The following PDP2 variants were observed in gnomAD, a reference collection of about 807,000 sequenced individuals.
PDP2 encodes the protein pyruvate dehydrogenase phosphatase catalytic subunit 2.
PDP2 carries 23 observed loss-of-function variants against 34.2 expected under a neutral mutation model. The observed-to-expected ratio is 0.67, with a 90% CI of 0.48 to 0.95. The LOEUF is 0.95. Ranked by LOEUF, PDP2 falls within the 40% of genes least tolerant of loss-of-function variation. PDP2 has a pLI of 0.00. For missense variants in PDP2, 571 were observed against 659.6 expected, an observed-to-expected ratio of 0.87 and a Z score of 1.47; for synonymous variants, 275 against 269.2, an observed-to-expected ratio of 1.02 and a Z score of -0.21.
chr16:66,890,659 G>C lies in PDP2; in HGVS notation c.*4785G>C, dbSNP rs1311046030. 1 of 152,178 alleles carries C rather than the reference G, an allele frequency of 6.6e-6. No homozygotes were observed. Among genetic ancestry groups the C allele is most frequent in the Non-Finnish European group, 1.5e-5 (1 of 68,044 alleles). 9.4% of individuals were successfully genotyped at this position (152,178 alleles called of 1,614,324 possible). A position where few individuals can be genotyped will look rare whatever the true frequency, so the allele number is the denominator to read the frequency against. ...CCCTAGTAGCCTATCTTCAGCCTTT[G>C]GGAAGTCTTAACTTCCCAGGTTAAA... On this transcript the variant is annotated 3_prime_UTR_variant, in exon 2 of 2. Coordinates refer to ENST00000311765, the MANE Select transcript of PDP2 (RefSeq NM_020786.4).
In PDP2 at chr16:66,888,944, TG is replaced by T. The variant is rs1961894820; in HGVS notation, c.*3071del. On this transcript the variant is annotated 3_prime_UTR_variant, in exon 2 of 2. Coordinates refer to ENST00000311765, the MANE Select transcript of PDP2 (RefSeq NM_020786.4). The stretch of plus-strand genomic sequence containing the variant: ...AAAGAAGAAAGGCTTATTTATCATT[TG>T]CTTTTTTTCCACTGTGAATCATCTG... 6.6e-6 allele frequency: 1 copy of T among 152,248 alleles called. No homozygotes were observed. Among genetic ancestry groups the T allele is most frequent in the Non-Finnish European group, 1.5e-5 (1 of 68,040 alleles). The allele number at this position is 152,248 out of a possible 1,614,324, so 9.4% of individuals were successfully genotyped here. A position where few individuals can be genotyped will look rare whatever the true frequency, so the allele number is the denominator to read the frequency against.
chr16:66,885,973 G>A lies in PDP2; in HGVS notation c.*99G>A, dbSNP rs1961751807. On this transcript the variant is annotated 3_prime_UTR_variant, in exon 2 of 2. Coordinates refer to ENST00000311765, the MANE Select transcript of PDP2 (RefSeq NM_020786.4). The surrounding 1 kb of genome is among the most constrained non-coding windows in gnomAD (Gnocchi z 4.6). ...TCCAAACCTTACTATTAAAAGCGCA[G>A]GCAGATTTAATTTGCTAAATAGACT... The A allele has an allele frequency of 7.9e-7, 1 of 1,268,590 alleles. No homozygotes were observed. The highest frequency in any genetic ancestry group is 1.1e-6 in the Non-Finnish European group (1 of 910,556). 78.6% of individuals were successfully genotyped at this position (1,268,590 alleles called of 1,614,324 possible).
At position 66,885,882 on chromosome 16, in the gene PDP2, C is replaced by A; in HGVS notation, c.*8C>A. ...TATTACAAGGGGGGTTAAGAATCTCCCATCCTATTGTCAAGGTTAACATAA... is the reference window on the plus strand; with the variant it reads ...TATTACAAGGGGGGTTAAGAATCTCACATCCTATTGTCAAGGTTAACATAA... On this transcript the variant is annotated 3_prime_UTR_variant, in exon 2 of 2. Transcript: ENST00000311765. This position sits in a 1 kb window ranked among gnomAD's most constrained non-coding sequence, Gnocchi z 4.6. The A allele has an allele frequency of 6.3e-7, 1 of 1,585,928 alleles. No homozygotes were observed. Among genetic ancestry groups the A allele is most frequent in the Non-Finnish European group, 8.6e-7 (1 of 1,161,488 alleles).
At chr16:66,881,561 A>G (rs1290846683) in intron 1 of PDP2, among the ~76,000 whole-genome samples, 1 of 151,640 alleles carries the variant, frequency 6.6e-6, no homozygotes, top group Non-Finnish European at 1.5e-5. Context: ...TTTGGAAATC[A>G]GTTTGGCAAT....
chr16:66,884,271 G>A lies in PDP2; in HGVS notation c.-14G>A, dbSNP rs775667629. ...TTTTTGCTGAAGGAACACATTTGCT[G>A]GTATAGTTTCAGAATGTCAAGTACT... On this transcript the variant is annotated 5_prime_UTR_variant, in exon 2 of 2. Coordinates refer to ENST00000311765, the MANE Select transcript of PDP2 (RefSeq NM_020786.4). 4.6e-5 allele frequency: 71 copies of A among 1,530,692 alleles called. No homozygotes were observed. Among genetic ancestry groups the A allele is most frequent in the Non-Finnish European group, 6.2e-5 (70 of 1,135,574 alleles). 94.8% of individuals were successfully genotyped at this position (1,530,692 alleles called of 1,614,324 possible).
intron 1 of PDP2, 39 bp from the exon 2 acceptor site, chr16:66,884,192 A>G (rs1961633513): frequency 1.6e-6 from 2 of 1,228,554 alleles, no homozygotes; most frequent in Non-Finnish European, 2.2e-6. Flanking sequence ...AAAAAAAAAA[A>G]AGAAATTAAA....
intron 1 of PDP2, among the ~76,000 whole-genome samples, chr16:66,883,524 A>C (rs2145412307): frequency 6.6e-6 from 1 of 152,174 alleles, no homozygotes; most frequent in Middle Eastern, 3.4e-3. Context: ...CTGCAGCCTC[A>C]ACTTACCAGG....
chr16:66,883,803 T>A (rs1049291399), intron 1 of PDP2, among the ~76,000 whole-genome samples: 1 of 149,002 alleles, frequency 6.7e-6, no homozygotes, highest in Non-Finnish European at 1.5e-5. Flanking sequence ...GTGAGTTTAG[T>A]GTATTTTAAA....
At position 66,880,635 on chromosome 16, in the gene PDP2, C is replaced by A; in HGVS notation, c.-60C>A. On this transcript the variant is annotated 5_prime_UTR_variant, in exon 1 of 2. Transcript: ENST00000311765. ...ACGGAGCGGGCGGCTGTGGCCTCGC[C>A]AGCTGGTGAGAAGCGGGCGAGGGTC... 1 of 152,596 alleles carries A rather than the reference C, an allele frequency of 6.6e-6. No individual in the cohort carries two copies. The highest frequency in any genetic ancestry group is 1.5e-5 in the Non-Finnish European group (1 of 68,276). The allele number at this position is 152,596 out of a possible 1,614,324, so 9.5% of individuals were successfully genotyped here. A position where few individuals can be genotyped will look rare whatever the true frequency, so the allele number is the denominator to read the frequency against.
intron 1 of PDP2, among the ~76,000 whole-genome samples, chr16:66,883,318 G>C (rs1026568591): frequency 2.6e-5 from 4 of 152,050 alleles, no homozygotes; most frequent in African/African-American, 4.8e-5. Flanking sequence ...ATTTTTAGTA[G>C]AGACGGGGTT....
intron 1 of PDP2, among the ~76,000 whole-genome samples, chr16:66,882,343 G>A (rs565397439): frequency 2.7e-4 from 41 of 152,232 alleles, no homozygotes; most frequent in African/African-American, 9.1e-4. Context: ...GGCTGAGGCA[G>A]GAGGATCCCT....
At chr16:66,881,422 T>G (rs1320667069) in intron 1 of PDP2, among the ~76,000 whole-genome samples, 1 of 132,974 alleles carries the variant, frequency 7.5e-6, no homozygotes, top group Non-Finnish European at 1.5e-5. Context: ...TGTTCTGTTT[T>G]TTTTTTTTTA....
At chr16:66,882,144 A>G (rs982040917) in intron 1 of PDP2, among the ~76,000 whole-genome samples, 1 of 152,270 alleles carries the variant, frequency 6.6e-6, no homozygotes, top group African/African-American at 2.4e-5. Context: ...AGTTGGGGTT[A>G]CAACTCTACA....
In PDP2 at chr16:66,884,908, C is replaced by T. The variant is rs776958943; in HGVS notation, c.624C>T (p.His208=). 23 of 1,614,148 alleles carry T rather than the reference C, an allele frequency of 1.4e-5. No individual in the cohort carries two copies. The highest frequency in any genetic ancestry group is 1.9e-5 in the Non-Finnish European group (23 of 1,180,026). Residue 208 remains histidine (H), a synonymous_variant, in exon 2 of 2, where the codon CAC becomes CAT. Transcript: ENST00000311765. ...YKDVTSVHLD[H]LRVYWQELLD... The stretch of plus-strand genomic sequence containing the variant: ...ATGTCACATCTGTGCATCTTGACCA[C>T]CTCCGTGTCTATTGGCAGGAACTGC...
rs1015202166 is a variant in PDP2, at chr16:66,884,414, C to T, written c.130C>T (p.Arg44Trp). The change falls in exon 2 of 2, where the codon CGG becomes TGG. Residue 44 changes from arginine to tryptophan, a missense_variant. By Grantham distance (101) the Arg-to-Trp change is moderately radical (BLOSUM62 -3). Around this residue, in one of 2 missense-constraint regions of PDP2, gnomAD observed 290 missense variants for 283.8 expected, o/e 1.02. Coordinates refer to ENST00000311765, the MANE Select transcript of PDP2 (RefSeq NM_020786.4). ...TAAATTAAAATGGAGGCTCTTTTCCCGGGTGCCACCCACCCTAAACAGTTC... is the reference window on the plus strand; with the variant it reads ...TAAATTAAAATGGAGGCTCTTTTCCTGGGTGCCACCCACCCTAAACAGTTC... ...RNKLKWRLFS[R>W]VPPTLNSSPC... The T allele has an allele frequency of 1.5e-5, 24 of 1,613,956 alleles. No individual in the cohort carries two copies. Among genetic ancestry groups the T allele is most frequent in the East Asian group, 4.5e-5 (2 of 44,894 alleles).
Position 66,888,364 on chromosome 16 carries a change from A to G in PDP2, c.*2490A>G, listed in dbSNP as rs578206537. On this transcript the variant is annotated 3_prime_UTR_variant, in exon 2 of 2. Transcript: ENST00000311765. ...AGGCATGAGCCACCGCACCCAGCCT[A>G]TCTCCTAGATCTTGAATCAAAAATA... The G allele has an allele frequency of 6.6e-6, 1 of 152,266 alleles. No homozygotes were observed. Among genetic ancestry groups the G allele is most frequent in the African/African-American group, 2.4e-5 (1 of 41,550 alleles). The allele number at this position is 152,266 out of a possible 1,614,324, so 9.4% of individuals were successfully genotyped here. A position where few individuals can be genotyped will look rare whatever the true frequency, so the allele number is the denominator to read the frequency against.
In PDP2 at chr16:66,889,032, T is replaced by G. The variant is rs1961899431; in HGVS notation, c.*3158T>G. On this transcript the variant is annotated 3_prime_UTR_variant, in exon 2 of 2. Coordinates refer to ENST00000311765, the MANE Select transcript of PDP2 (RefSeq NM_020786.4). ...TAAACTCCTGTCTCCCTGACCACTA[T>G]CCTGCTGTCATTGGACTTCTTGAAG... The G allele has an allele frequency of 6.6e-6, 1 of 151,236 alleles. No individual in the cohort carries two copies. Among genetic ancestry groups the G allele is most frequent in the African/African-American group, 2.5e-5 (1 of 40,656 alleles). 9.4% of individuals were successfully genotyped at this position (151,236 alleles called of 1,614,324 possible).
At position 66,886,302 on chromosome 16, in the gene PDP2, G is replaced by A. The variant is rs557209341; in HGVS notation, c.*428G>A. 1.6e-5 allele frequency: 4 copies of A among 255,664 alleles called. No individual in the cohort carries two copies. Among genetic ancestry groups the A allele is most frequent in the South Asian group, 5.0e-5 (1 of 20,030 alleles). The allele number at this position is 255,664 out of a possible 1,614,324, so 15.8% of individuals were successfully genotyped here. A position where few individuals can be genotyped will look rare whatever the true frequency, so the allele number is the denominator to read the frequency against. On this transcript the variant is annotated 3_prime_UTR_variant, in exon 2 of 2. Transcript: ENST00000311765. ...CTCCTGAATTCACAATCATGGACTT[G>A]TAGACTATGAAGAGATATTTTATTT...
Position 66,889,950 on chromosome 16 carries a change from A to G in PDP2, c.*4076A>G, listed in dbSNP as rs2145426970. ...ACTCCAGACTGAGTGACAGAGTGAG[A>G]CTGTGTCTAAAAAAAAAGTTTGAAT... On this transcript the variant is annotated 3_prime_UTR_variant, in exon 2 of 2. Coordinates refer to ENST00000311765, the MANE Select transcript of PDP2 (RefSeq NM_020786.4). 1 of 149,652 alleles carries G rather than the reference A, an allele frequency of 6.7e-6. No homozygotes were observed. The highest frequency in any genetic ancestry group is 2.0e-4 in the East Asian group (1 of 5,076). 9.3% of individuals were successfully genotyped at this position (149,652 alleles called of 1,614,324 possible).
Sources: gnomAD v4.1 joint callset for allele counts (sites outside exome capture counted in the v4.1 genomes callset) on GRCh38, gnomAD v4.1.1 for gene constraint, gnomAD v4.1.1 regional missense constraint, Gnocchi (gnomAD v3.1) non-coding constraint, MANE v1.5 for transcripts, NCBI Gene and HGNC (gene_info 2026-07-23, HGNC 2026-07-21) for gene names.